Variants in SCN7A observed in about 807,000 individuals in gnomAD.
SCN7A encodes sodium voltage-gated channel alpha subunit 7.
A neutral mutation model predicts 155.2 loss-of-function variants in SCN7A; 138 were observed. The ratio of observed to expected loss-of-function variants is 0.89; its 90% CI spans 0.77 to 1.02. The LOEUF (loss-of-function observed/expected upper bound fraction) is 1.02. Ranked by LOEUF, SCN7A falls within the 50% of genes least tolerant of loss-of-function variation. The pLI is 0.00. For synonymous variants in SCN7A, 693 were observed against 649.0 expected (o/e 1.07, Z -1.03); for missense variants, 2,058 against 1,986.6 (o/e 1.04, Z -0.68).
chr2:166,417,072 A>G, intron 20 of SCN7A, 87 bp from the exon 21 acceptor site: 1 of 1,030,504 alleles, frequency 9.7e-7, no homozygotes, highest in Non-Finnish European at 1.4e-6. Context: ...TAATTGATAG[A>G]ATAACATATT....
chr2:166,475,119 T>TATACATAC (rs763878028), intron 3 of SCN7A, among the ~76,000 whole-genome samples: 1 of 130,168 alleles, frequency 7.7e-6, no homozygotes, highest in African/African-American at 2.8e-5. Flanking sequence ...TATATATATA[T>TATACATAC]ACATATATAT....
chr2:166,423,131 G>A, intron 19 of SCN7A, 128 bp downstream of exon 19: 1 of 838,780 alleles, frequency 1.2e-6, no homozygotes, highest in Non-Finnish European at 1.8e-6. Flanking sequence ...ACTAAGAAAG[G>A]TGTCATGTAC....
chr2:166,427,538 T>C (rs1302511772), intron 18 of SCN7A, among the ~76,000 whole-genome samples: 1 of 152,030 alleles, frequency 6.6e-6, no homozygotes, highest in Non-Finnish European at 1.5e-5. Flanking sequence ...CACTCATATA[T>C]TTTGGAATTC....
Position 166,487,897 on chromosome 2 carries a change from T to C in SCN7A, c.-127-929A>G, listed in dbSNP as rs976013853. ...AAGGATAAAATGACTTCTCACTTAG[T>C]TGTTTTCAAGCTATTTTGAAACAAT... On this transcript the variant is annotated intron_variant, in intron 1 of 25. Coordinates refer to ENST00000643258, the MANE Select transcript of SCN7A (RefSeq NM_002976.4). Among the ~76,000 whole-genome samples the C allele has an allele frequency of 4.6e-5, 7 of 152,304 alleles. No homozygotes were observed. In the East Asian group the frequency reaches 1.4e-3, roughly 29 times the overall value.
intron 8 of SCN7A, 40 bp from the exon 9 acceptor site, chr2:166,465,571 T>C (rs1702511674): frequency 1.4e-6 from 2 of 1,454,436 alleles, no homozygotes; most frequent in South Asian, 2.4e-5. Flanking sequence ...TATGTAATTA[T>C]GAGTTAGCAC....
chr2:166,472,392 C>T lies in SCN7A; in HGVS notation c.497G>A (p.Arg166Lys). 1 of 1,607,972 alleles carries T rather than the reference C, an allele frequency of 6.2e-7. No homozygotes were observed. Among genetic ancestry groups the T allele is most frequent in the South Asian group, 1.1e-5 (1 of 90,390 alleles). ...GGAAAATGATCCTGCCCAGACACCT[C>T]TTGCAAAGAGTTTTACAAGTATTTC... Reference protein sequence around the residue: ...TFEILVKLFARGVWAGSFSFL... With the variant: ...TFEILVKLFAKGVWAGSFSFL... Residue 166 changes from arginine to lysine, a missense_variant, in exon 6 of 26, where the codon AGA becomes AAA. By Grantham distance (26) the Arg-to-Lys change is conservative. Transcript: ENST00000643258.
chr2:166,461,242 C>A (rs558986412), intron 10 of SCN7A, among the ~76,000 whole-genome samples: 1 of 151,912 alleles, frequency 6.6e-6, no homozygotes, highest in East Asian at 1.9e-4. Flanking sequence ...CCAAAATAAG[C>A]ATGGACTGGA....
intron 22 of SCN7A, 41 bp downstream of exon 22, chr2:166,413,027 C>T (rs1701234811): frequency 2.9e-6 from 4 of 1,392,342 alleles, no homozygotes; most frequent in Non-Finnish European, 3.9e-6. Context: ...AATGACTTTG[C>T]TTGTATCCTA....
chr2:166,441,422 T>A lies in SCN7A; in HGVS notation c.2131A>T (p.Met711Leu), dbSNP rs770263845. ...AGTAAATTTCCAATTAAAATGACCATCAGGTAAAAAGGAATACACCAGGAT... is the reference window on the plus strand; with the variant it reads ...AGTAAATTTCCAATTAAAATGACCAACAGGTAAAAAGGAATACACCAGGAT... ...GQSWCIPFYL[M>L]VILIGNLLVL... The change falls in exon 15 of 26, where the codon ATG (methionine) becomes TTG (leucine). Residue 711 changes from methionine (M) to leucine (L), a missense_variant. By Grantham distance (15) the Met-to-Leu change is conservative. Transcript: ENST00000643258. The A allele has an allele frequency of 2.5e-5, 40 of 1,592,520 alleles. No homozygotes were observed. The highest frequency in any genetic ancestry group is 3.4e-5 in the Non-Finnish European group (40 of 1,169,838).
At chr2:166,474,951 C>A (rs1702747513) in intron 3 of SCN7A, among the ~76,000 whole-genome samples, 1 of 150,224 alleles carries the variant, frequency 6.7e-6, no homozygotes, top group Non-Finnish European at 1.5e-5. Context: ...AATGAAATAT[C>A]AGAAATATTC....
At chr2:166,421,336 A>G in intron 19 of SCN7A, 39 bp from the exon 20 acceptor site, 1 of 1,122,040 alleles carries the variant, frequency 8.9e-7, no homozygotes, top group Non-Finnish European at 1.2e-6. Flanking sequence ...ATAGGATTCC[A>G]TATTAATCAA....
At position 166,406,584 on chromosome 2, in the gene SCN7A, G is replaced by T. The variant is rs368257278; in HGVS notation, c.4045C>A (p.Leu1349Ile). 135 of 1,612,514 alleles carry T rather than the reference G, an allele frequency of 8.4e-5. 1 individual carries two copies. In the African/African-American group the frequency reaches 1.5e-3, roughly 18 times the overall value. The part of the protein sequence containing the change: ...LVPPSLVQLI[L>I]LSRIIHMLRL... ...AGCATGTGAATGATCCGTGAGAGAA[G>T]TATCAGTTGCACAAGTGAAGGAGGC... Residue 1349 changes from leucine to isoleucine, a missense_variant, in exon 26 of 26, where the codon CTT becomes ATT. Physicochemically the swap from Leu to Ile is conservative, Grantham distance 5. Transcript: ENST00000643258.
At chr2:166,417,341 C>T (rs930202915) in intron 20 of SCN7A, among the ~76,000 whole-genome samples, 14 of 152,070 alleles carry the variant, frequency 9.2e-5, no homozygotes, top group African/African-American at 2.9e-4. Flanking sequence ...GGTGTGGTGG[C>T]GGACACCTGT....
chr2:166,490,293 C>G (rs1313775194), intron 1 of SCN7A, among the ~76,000 whole-genome samples: 1 of 152,098 alleles, frequency 6.6e-6, no homozygotes, highest in Non-Finnish European at 1.5e-5. Flanking sequence ...AAGTACCATT[C>G]TACTCTCTAC....
intron 16 of SCN7A, among the ~76,000 whole-genome samples, chr2:166,430,488 A>G (rs1022425109): frequency 2.0e-5 from 3 of 151,948 alleles, no homozygotes; most frequent in African/African-American, 7.2e-5. Context: ...TTAAAATTAT[A>G]CATCATAAAT....
intron 17 of SCN7A, among the ~76,000 whole-genome samples, chr2:166,428,908 T>C (rs1456742649): frequency 6.6e-6 from 1 of 151,996 alleles, no homozygotes; most frequent in Non-Finnish European, 1.5e-5. Context: ...CATGCACACA[T>C]ATACCTATAT....
At chr2:166,463,114 A>G (rs1451574558) in intron 9 of SCN7A, among the ~76,000 whole-genome samples, 1 of 152,216 alleles carries the variant, frequency 6.6e-6, no homozygotes, top group Non-Finnish European at 1.5e-5. Flanking sequence ...ACTTCATGTA[A>G]AGCCCTTAGA....
chr2:166,469,506 T>TA (rs1702607958), intron 7 of SCN7A, among the ~76,000 whole-genome samples: 1 of 151,848 alleles, frequency 6.6e-6, no homozygotes, highest in South Asian at 2.1e-4. Context: ...TATTGCAAAA[T>TA]ATTTTCATAC....
chr2:166,428,149 C>T (rs898053019), intron 17 of SCN7A, among the ~76,000 whole-genome samples: 8 of 151,950 alleles, frequency 5.3e-5, no homozygotes, highest in African/African-American at 1.9e-4. Flanking sequence ...CTTAGGAGTT[C>T]GGTAGTAATG....
Sources: gnomAD v4.1 joint callset for allele counts (sites outside exome capture counted in the v4.1 genomes callset) on GRCh38, gnomAD v4.1.1 for gene constraint, MANE v1.5 for transcripts, NCBI Gene and HGNC (gene_info 2026-07-23, HGNC 2026-07-21) for gene names.